Variants in AGPAT3 observed in about 807,000 individuals in gnomAD.
The protein encoded by AGPAT3 is 1-acyl-sn-glycerol-3-phosphate acyltransferase gamma.
AGPAT3 carries 5 observed loss-of-function variants against 47.3 expected under a neutral mutation model. The observed-to-expected ratio is 0.11, with a 90% confidence interval of 0.06 to 0.22. The LOEUF (loss-of-function observed/expected upper bound fraction) is 0.22. AGPAT3 is among the 10% of genes least tolerant of loss of function. AGPAT3 has a pLI of 1.00. For missense variants in AGPAT3, 315 were observed against 493.0 expected (o/e 0.64, Z 3.42); for synonymous variants, 212 against 208.3 (o/e 1.02, Z -0.15).
At position 43,922,341 on chromosome 21, in the gene AGPAT3, T is replaced by C. The variant is rs994258295; in HGVS notation, c.-49+18322T>C. On this transcript the variant is annotated intron_variant, in intron 2 of 9. Transcript: ENST00000291572. The surrounding 1 kb of genome is among the most constrained non-coding windows in gnomAD (Gnocchi z 4.9). ...CAGGAAGCGTGGGGGGAAGCGTGCG[T>C]GCGAAGGAGTGCAGCCCCCAGGACG... Among the ~76,000 whole-genome samples, 2 of 152,138 alleles carry C rather than the reference T, an allele frequency of 1.3e-5. No homozygotes were observed. The highest frequency in any genetic ancestry group is 2.4e-5 in the African/African-American group (1 of 41,414).
In AGPAT3 at chr21:43,922,974, T is replaced by C. The variant is rs1309626612; in HGVS notation, c.-49+18955T>C. Among the ~76,000 whole-genome samples, 1 of 152,200 alleles carries C rather than the reference T, an allele frequency of 6.6e-6. No individual in the cohort carries two copies. Among genetic ancestry groups the C allele is most frequent in the African/African-American group, 2.4e-5 (1 of 41,454 alleles). On this transcript the variant is annotated intron_variant, in intron 2 of 9. Coordinates refer to ENST00000291572, the MANE Select transcript of AGPAT3 (RefSeq NM_020132.5). This position sits in a 1 kb window ranked among gnomAD's most constrained non-coding sequence, Gnocchi z 4.9. The stretch of plus-strand genomic sequence containing the variant: ...GTCTGTTCTGTGTCAGGAGTCCCTG[T>C]TTCTTTCTCCCCATGCTCACACGGG...
At chr21:43,884,206 C>A (rs561996984) in intron 1 of AGPAT3, among the ~76,000 whole-genome samples, 296 of 152,196 alleles carry the variant, frequency 1.9e-3, no homozygotes, top group Non-Finnish European at 3.4e-3. Flanking sequence ...AGCTCCACCA[C>A]GCCCTTTGAT....
At position 43,926,725 on chromosome 21, in the gene AGPAT3, C is replaced by T. The variant is rs940596735; in HGVS notation, c.-49+22706C>T. On this transcript the variant is annotated intron_variant, in intron 2 of 9. Coordinates refer to ENST00000291572, the MANE Select transcript of AGPAT3 (RefSeq NM_020132.5). ...CTGTAATCCCAGCACTTTGGGAGGC[C>T]GAGGTGGGTGGATCACTTGAGGTCA... is the stretch of plus-strand genomic sequence containing the variant. Among the ~76,000 whole-genome samples the T allele has an allele frequency of 3.5e-4, 49 of 138,246 alleles. 1 individual carries two copies. The highest frequency in any genetic ancestry group is 6.9e-4 in the Non-Finnish European group (46 of 66,198). 90.7% of individuals were successfully genotyped at this position (138,246 alleles called of 152,430 possible). A position where few individuals can be genotyped will look rare whatever the true frequency, so the allele number is the denominator to read the frequency against.
In AGPAT3 at chr21:43,929,221, C is replaced by T. The variant is rs941261872; in HGVS notation, c.-49+25202C>T. On this transcript the variant is annotated intron_variant, in intron 2 of 9. Transcript: ENST00000291572. Reference sequence around the variant, plus strand: ...AAGCAGGGCATGTACAGCCGTGTGGCGGCAGCAACAGCGTAAGATGGTTCC... The same window carrying T: ...AAGCAGGGCATGTACAGCCGTGTGGTGGCAGCAACAGCGTAAGATGGTTCC... Among the ~76,000 whole-genome samples, 29 of 152,184 alleles carry T rather than the reference C, an allele frequency of 1.9e-4. 1 individual carries two copies. The highest frequency in any genetic ancestry group is 6.3e-3 in the Middle Eastern group (2 of 316).
At chr21:43,963,032 AGAACT>A (rs928608688) in intron 3 of AGPAT3, among the ~76,000 whole-genome samples, 1 of 152,240 alleles carries the variant, frequency 6.6e-6, no homozygotes, top group Non-Finnish European at 1.5e-5. Context: ...AGAACCAAGT[AGAACT>A]GCTCTCAGTG....
At chr21:43,872,612 G>A (rs2085645643) in intron 1 of AGPAT3, among the ~76,000 whole-genome samples, 1 of 152,146 alleles carries the variant, frequency 6.6e-6, no homozygotes, top group Non-Finnish European at 1.5e-5. Flanking sequence ...TAGATTTTGG[G>A]GATTTTCTCA....
intron 2 of AGPAT3, among the ~76,000 whole-genome samples, chr21:43,943,072 T>C (rs918730773): frequency 1.3e-4 from 20 of 152,080 alleles, no homozygotes; most frequent in African/African-American, 4.8e-4. Flanking sequence ...TTTTCTTTTT[T>C]TCTTTTTTTT....
intron 2 of AGPAT3, among the ~76,000 whole-genome samples, chr21:43,956,290 G>T (rs1315792072): frequency 2.0e-5 from 3 of 152,238 alleles, no homozygotes; most frequent in Non-Finnish European, 2.9e-5. Context: ...GGGGGCTGCA[G>T]TGTGTCTGGG....
chr21:43,906,458 G>T (rs1252879847), intron 2 of AGPAT3, among the ~76,000 whole-genome samples: 1 of 152,128 alleles, frequency 6.6e-6, no homozygotes, highest in Admixed American at 6.5e-5. Context: ...AACTCAATTG[G>T]TTATCAGAGA....
chr21:43,983,386 C>A lies in AGPAT3; in HGVS notation c.*994C>A, dbSNP rs1370455935. 5 of 152,214 alleles carry A rather than the reference C, an allele frequency of 3.3e-5. No individual in the cohort carries two copies. The highest frequency in any genetic ancestry group is 7.3e-5 in the Non-Finnish European group (5 of 68,050). The allele number at this position is 152,214 out of a possible 1,614,324, so 9.4% of individuals were successfully genotyped here. A position where few individuals can be genotyped will look rare whatever the true frequency, so the allele number is the denominator to read the frequency against. ...TTGACTTCTAGAGATTTTATTTTTA[C>A]TGGTTGATCTCTTGGTGGTTTTCAA... On this transcript the variant is annotated 3_prime_UTR_variant, in exon 10 of 10. Transcript: ENST00000291572.
At chr21:43,935,113 C>T (rs1011072588) in intron 2 of AGPAT3, among the ~76,000 whole-genome samples, 3 of 152,230 alleles carry the variant, frequency 2.0e-5, no homozygotes, top group Non-Finnish European at 4.4e-5. Flanking sequence ...CACCTGAGAG[C>T]GTGAGGAAGC....
Position 43,920,852 on chromosome 21 carries a change from G to A in AGPAT3, c.-49+16833G>A, listed in dbSNP as rs541730948. Among the ~76,000 whole-genome samples the A allele has an allele frequency of 2.0e-5, 3 of 151,430 alleles. No individual in the cohort carries two copies. Among genetic ancestry groups the A allele is most frequent in the South Asian group, 2.1e-4 (1 of 4,756 alleles). ...TAAAAACCAGTAAATGAGGCCAGGC[G>A]CGGTGGCTCACGCCTGTAATCCCAG... On this transcript the variant is annotated intron_variant, in intron 2 of 9. Transcript: ENST00000291572. The surrounding 1 kb of genome is among the most constrained non-coding windows in gnomAD (Gnocchi z 6.1).
At chr21:43,947,358 A>G (rs7281307) in intron 2 of AGPAT3, among the ~76,000 whole-genome samples, 2 of 152,192 alleles carry the variant, frequency 1.3e-5, no homozygotes, top group Non-Finnish European at 1.5e-5. Context: ...CCAAAGCTGC[A>G]GTCAGGAGAG....
intron 8 of AGPAT3, among the ~76,000 whole-genome samples, chr21:43,980,110 G>A (rs1341685525): frequency 2.0e-5 from 3 of 151,788 alleles, no homozygotes; most frequent in Non-Finnish European, 2.9e-5. Context: ...GTGAAACCCT[G>A]TCTCCACTAA....
At chr21:43,878,993 G>A (rs2085794915) in intron 1 of AGPAT3, among the ~76,000 whole-genome samples, 1 of 151,988 alleles carries the variant, frequency 6.6e-6, no homozygotes, top group Non-Finnish European at 1.5e-5. Context: ...TGCCCACCTC[G>A]GGTCCTAAAG....
At chr21:43,866,972 G>C (rs993414590) in intron 1 of AGPAT3, among the ~76,000 whole-genome samples, 1 of 152,242 alleles carries the variant, frequency 6.6e-6, no homozygotes, top group African/African-American at 2.4e-5. Context: ...GTGCTGCCCC[G>C]CCCCAGGCTG....
At position 43,983,904 on chromosome 21, in the gene AGPAT3, A is replaced by G. The variant is rs967686025; in HGVS notation, c.*1512A>G. ...GAGTTTTCTAGGGGAAAACAAATGG[A>G]GAAAAGAGGCATGAAGAAAAGTAAA... is the stretch of plus-strand genomic sequence containing the variant. On this transcript the variant is annotated 3_prime_UTR_variant, in exon 10 of 10. Coordinates refer to ENST00000291572, the MANE Select transcript of AGPAT3 (RefSeq NM_020132.5). The G allele has an allele frequency of 3.3e-5, 5 of 152,290 alleles. No individual in the cohort carries two copies. The highest frequency in any genetic ancestry group is 1.2e-4 in the African/African-American group (5 of 41,468). 9.4% of individuals were successfully genotyped at this position (152,290 alleles called of 1,614,324 possible). A position where few individuals can be genotyped will look rare whatever the true frequency, so the allele number is the denominator to read the frequency against.
rs2089208631 is a variant in AGPAT3, at chr21:43,967,908, G to A, written c.179-38G>A. ...CGCTCCCTGACCATCCCAGGAGGAG[G>A]GGTCCTACCAGTGCCAACGCCCTCC... On this transcript the variant is annotated intron_variant, in intron 3 of 9. Transcript: ENST00000291572. 8 of 1,596,940 alleles carry A rather than the reference G, an allele frequency of 5.0e-6. No individual in the cohort carries two copies. In the South Asian group the frequency reaches 7.8e-5, roughly 16 times the overall value.
rs894302217 is a variant in AGPAT3, at chr21:43,951,558, G to T, written c.-48-8076G>T. Among the ~76,000 whole-genome samples, 7 of 152,284 alleles carry T rather than the reference G, an allele frequency of 4.6e-5. No homozygotes were observed. In the East Asian group the frequency reaches 5.8e-4, roughly 13 times the overall value. Reference sequence around the variant, plus strand: ...GGACCCCAGGACCCAAGGACAGCAGGTCCCATCCCAGCTCTGCCCAGCTCC... The same window carrying T: ...GGACCCCAGGACCCAAGGACAGCAGTTCCCATCCCAGCTCTGCCCAGCTCC... On this transcript the variant is annotated intron_variant, in intron 2 of 9. Transcript: ENST00000291572.
Sources: allele counts gnomAD v4.1 joint callset (sites outside exome capture counted in the v4.1 genomes callset), GRCh38; gene constraint gnomAD v4.1.1; non-coding constraint Gnocchi (gnomAD v3.1); transcripts MANE v1.5; gene names NCBI Gene and HGNC (gene_info 2026-07-23, HGNC 2026-07-21).